SMCO1: variants seen among roughly 807,000 people sequenced by gnomAD.
SMCO1 encodes the protein single-pass membrane and coiled-coil domain-containing protein 1.
In SMCO1, 9 loss-of-function variants were observed where a neutral mutation model predicts 7.5. The ratio of observed to expected loss-of-function variants is 1.20; its 90% CI spans 0.72 to 2.09. The LOEUF is 2.09. Among genes scored for constraint, SMCO1 ranks in the 30% most tolerant of loss-of-function variants. The pLI is 0.00. For missense variants in SMCO1, 219 were observed against 253.1 expected (o/e 0.87, Z 0.91); for synonymous variants, 90 against 93.8 (o/e 0.96, Z 0.23).
chr3:196,516,616 A>C (rs1733393679), upstream of SMCO1, among the ~76,000 whole-genome samples: 1 of 152,210 alleles, frequency 6.6e-6, no homozygotes, highest in Non-Finnish European at 1.5e-5. Flanking sequence ...ATATTAATTG[A>C]ATGTATAAAA....
the SMCO1 span, among the ~76,000 whole-genome samples, chr3:196,520,794 A>G: frequency 0.045 from 6,781 of 152,322 alleles, 339 homozygotes; most frequent in African/African-American, 0.12. Flanking sequence ...AGGTGCTGAG[A>G]CAAGAGACTG....
upstream of SMCO1, among the ~76,000 whole-genome samples, chr3:196,517,252 T>A (rs1164723984): frequency 2.6e-5 from 4 of 152,062 alleles, no homozygotes; most frequent in South Asian, 6.2e-4. Flanking sequence ...TGTCTTTTTT[T>A]ATTCATAATG....
intron 1 of SMCO1, among the ~76,000 whole-genome samples, chr3:196,514,347 T>C (rs61676806): frequency 0.058 from 8,547 of 148,556 alleles, 772 homozygotes; most frequent in African/African-American, 0.19. Context: ...ATGGCTTATA[T>C]GCACTGTTTC....
At position 196,510,666 on chromosome 3, in the gene SMCO1, C is replaced by T. The variant is rs138546449; in HGVS notation, c.51-997G>A. ...GCTCAAATCCACTGCCTTTTTGAAT[C>T]CCCATCTACCTGGTGATCTCCTTGC... On this transcript the variant is annotated intron_variant, in intron 1 of 2. Transcript: ENST00000397537. 8.1e-4 allele frequency among the ~76,000 whole-genome samples: 123 copies of T among 152,280 alleles called. 2 individuals are homozygous for T. The highest frequency in any genetic ancestry group is 2.8e-3 in the African/African-American group (116 of 41,568).
At position 196,507,733 on chromosome 3, in the gene SMCO1, CAAAG is replaced by C; in HGVS notation, c.*150_*153del. On this transcript the variant is annotated 3_prime_UTR_variant, in exon 3 of 3. Coordinates refer to ENST00000397537, the MANE Select transcript of SMCO1 (RefSeq NM_001077657.3). ...GCTTCTTCATTCTTTTATATGGCTG[CAAAG>C]AAAGTATCTATTGTATCAATTTGTC... 1.7e-6 allele frequency: 1 copy of C among 590,870 alleles called. No individual in the cohort carries two copies. The highest frequency in any genetic ancestry group is 3.0e-6 in the Non-Finnish European group (1 of 333,856). 36.6% of individuals were successfully genotyped at this position (590,870 alleles called of 1,614,324 possible).
chr3:196,510,494 A>C (rs1733190525), intron 1 of SMCO1, among the ~76,000 whole-genome samples: 1 of 152,136 alleles, frequency 6.6e-6, no homozygotes. Context: ...ATCTTCCGCC[A>C]GTCCCCTCAC....
upstream of SMCO1, among the ~76,000 whole-genome samples, chr3:196,518,896 G>A (rs77447970): frequency 2.9e-3 from 445 of 152,280 alleles, 20 homozygotes; most frequent in South Asian, 0.066. Flanking sequence ...GGGTCACTGG[G>A]CACGTTGGCC....
chr3:196,512,278 T>G (rs1489986971), intron 1 of SMCO1, among the ~76,000 whole-genome samples: 1 of 148,768 alleles, frequency 6.7e-6, no homozygotes, highest in Non-Finnish European at 1.5e-5. Context: ...AGTAGATTGT[T>G]GTTATGAGGG....
chr3:196,519,881 G>A (rs917293779), upstream of SMCO1, among the ~76,000 whole-genome samples: 3 of 152,206 alleles, frequency 2.0e-5, no homozygotes, highest in East Asian at 1.9e-4. Flanking sequence ...CTACAACCAC[G>A]GGCGGCACAT....
chr3:196,511,839 T>G (rs559524489), intron 1 of SMCO1, among the ~76,000 whole-genome samples: 11 of 136,652 alleles, frequency 8.0e-5, no homozygotes, highest in Middle Eastern at 3.7e-3. Flanking sequence ...ATTGTTGTTA[T>G]GAGGGAAACC....
Position 196,508,177 on chromosome 3 carries a change from T to G in SMCO1, c.355A>C (p.Arg119=), listed in dbSNP as rs200497305. ...LRRKVKNKRV[R]VVWESILEEC... ...TCCAGTATGGACTCCCATACAACTC[T>G]AACGCGCTTGTTCTTAACTTTTCTT... The change falls in exon 3 of 3, where the codon AGA becomes CGA. Residue 119 remains arginine (R), a synonymous_variant. Transcript: ENST00000397537. 8.5e-4 allele frequency: 1,365 copies of G among 1,614,216 alleles called. 3 individuals carry two copies. The highest frequency in any genetic ancestry group is 1.0e-3 in the Non-Finnish European group (1,181 of 1,180,042).
upstream of SMCO1, among the ~76,000 whole-genome samples, chr3:196,517,892 C>G (rs1733424153): frequency 6.6e-6 from 1 of 152,140 alleles, no homozygotes; most frequent in Non-Finnish European, 1.5e-5. Context: ...CTCAGTAATG[C>G]TTTTTATTTT....
upstream of SMCO1, among the ~76,000 whole-genome samples, chr3:196,516,782 A>C (rs1733396109): frequency 6.6e-6 from 1 of 152,092 alleles, no homozygotes; most frequent in Non-Finnish European, 1.5e-5. Context: ...GAGTTTGGAC[A>C]GATGTGAGCT....
intron 1 of SMCO1, among the ~76,000 whole-genome samples, chr3:196,509,898 C>T (rs1442135769): frequency 1.3e-5 from 2 of 152,056 alleles, no homozygotes; most frequent in African/African-American, 4.8e-5. Context: ...CTTGTCCTTT[C>T]ATTCCATATA....
At chr3:196,509,232 T>G (rs1733147978) in intron 2 of SMCO1, among the ~76,000 whole-genome samples, 1 of 147,324 alleles carries the variant, frequency 6.8e-6, no homozygotes, top group Non-Finnish European at 1.5e-5. Context: ...TTTTTTTTTT[T>G]TTTTTGTATT....
At chr3:196,515,467 A>T, upstream of SMCO1, 1 of 481,762 alleles carries the variant, frequency 2.1e-6, no homozygotes, top group East Asian at 3.7e-5. Context: ...TTGAAAACTG[A>T]ACCATAGTAC....
chr3:196,515,602 T>A (rs73891278), upstream of SMCO1, among the ~76,000 whole-genome samples: 8,556 of 152,240 alleles, frequency 0.056, 778 homozygotes, highest in African/African-American at 0.19. Flanking sequence ...ATATTTTAAC[T>A]GCTTCATTAT....
Position 196,508,149 on chromosome 3 carries a change from T to C in SMCO1, c.383A>G (p.Glu128Gly). 5.0e-6 allele frequency: 8 copies of C among 1,614,144 alleles called. No individual in the cohort carries two copies. The highest frequency in any genetic ancestry group is 1.3e-5 in the African/African-American group (1 of 75,020). Reference protein sequence around the residue: ...VRVVWESILEECGLQEGDITA... With the variant: ...VRVVWESILEGCGLQEGDITA... ...GATGTCTCCTTCTTGCAGCCCACAC[T>C]CCTCCAGTATGGACTCCCATACAAC... is the stretch of plus-strand genomic sequence containing the variant. Residue 128 changes from glutamate (E) to glycine (G), a missense_variant, in exon 3 of 3, where the codon GAG becomes GGG. By Grantham distance (98) the Glu-to-Gly change is moderately conservative. Coordinates refer to ENST00000397537, the MANE Select transcript of SMCO1 (RefSeq NM_001077657.3).
At chr3:196,512,509 CTTTT>C (rs36023059) in intron 1 of SMCO1, among the ~76,000 whole-genome samples, 2 of 114,038 alleles carry the variant, frequency 1.8e-5, no homozygotes, top group Non-Finnish European at 3.5e-5. Flanking sequence ...TATTTCCTTT[CTTTT>C]TTTTTTTTTT....
Sources: gnomAD v4.1 joint callset for allele counts (sites outside exome capture counted in the v4.1 genomes callset) on GRCh38, gnomAD v4.1.1 for gene constraint, MANE v1.5 for transcripts, NCBI Gene and HGNC (gene_info 2026-07-23, HGNC 2026-07-21) for gene names.